Variants in DGKK observed in about 807,000 individuals in gnomAD.
The protein encoded by DGKK is 142 kDa diacylglycerol kinase.
In DGKK, 35 loss-of-function variants were observed where a neutral mutation model predicts 92.2. That is an observed-to-expected ratio of 0.38 (90% CI 0.29 to 0.50). The LOEUF is 0.50. DGKK is among the 20% of genes least tolerant of loss of function. DGKK has a pLI of 0.92. For synonymous variants in DGKK, 368 were observed against 360.6 expected, an observed-to-expected ratio of 1.02 and a Z score of -0.23; for missense variants, 910 against 992.2, an observed-to-expected ratio of 0.92 and a Z score of 1.11.
chrX:50,376,639 G>T, intron 23 of DGKK, 119 bp downstream of exon 23: 1 of 691,287 alleles, frequency 1.4e-6, no homozygotes, highest in Non-Finnish European at 2.0e-6. Flanking sequence ...AATTTTTAGA[G>T]CTCTAAGCTA....
In DGKK at chrX:50,403,261, T is replaced by C. The variant is rs1454617894; in HGVS notation, c.1186-78A>G. 9 of 1,092,895 alleles carry C rather than the reference T, an allele frequency of 8.2e-6. No homozygotes were observed. The Admixed American group carries it at 8.8e-5, about 11-fold the overall frequency. The allele number at this position is 1,092,895 out of a possible 1,213,427, so 90.1% of individuals were successfully genotyped here. A position where few individuals can be genotyped will look rare whatever the true frequency, so the allele number is the denominator to read the frequency against. On this transcript the variant is annotated intron_variant, in intron 6 of 27. Transcript: ENST00000611977. ...GAAGGGCCAACTGGAATAATTGTAC[T>C]ACTCCATGGAGGACATTAGGTAAAT...
chrX:50,429,551 T>C lies in DGKK; in HGVS notation c.646-5193A>G, dbSNP rs1230293448. Among the ~76,000 whole-genome samples the C allele has an allele frequency of 3.7e-5, 4 of 108,837 alleles. 1 individual carries two copies. The highest frequency in any genetic ancestry group is 7.6e-5 in the Non-Finnish European group (4 of 52,433). 94.5% of individuals were successfully genotyped at this position (108,837 alleles called of 115,157 possible). A position where few individuals can be genotyped will look rare whatever the true frequency, so the allele number is the denominator to read the frequency against. ...ATACAAAAAAAAAATTAGCCGGGCG[T>C]GGTGGCGGGCGCCTGTAGTCCCAGC... is the stretch of plus-strand genomic sequence containing the variant. On this transcript the variant is annotated intron_variant, in intron 1 of 27. Coordinates refer to ENST00000611977, the MANE Select transcript of DGKK (RefSeq NM_001013742.4).
At chrX:50,455,173 A>G (rs1204930407) in intron 1 of DGKK, among the ~76,000 whole-genome samples, 1 of 112,073 alleles carries the variant, frequency 8.9e-6, no homozygotes, top group Non-Finnish European at 1.9e-5. Flanking sequence ...TAAGGAGCTT[A>G]TTATTCAGTT....
chrX:50,387,971 T>C (rs1453124870), intron 13 of DGKK, among the ~76,000 whole-genome samples: 2 of 112,388 alleles, frequency 1.8e-5, no homozygotes, highest in African/African-American at 6.5e-5. Flanking sequence ...GGTCAGGTTT[T>C]CACCTAGGTT....
At position 50,368,054 on chromosome X, in the gene DGKK, A is replaced by G. The variant is rs1025719576; in HGVS notation, c.*886T>C. The G allele has an allele frequency of 9.0e-6, 1 of 110,798 alleles. No individual in the cohort carries two copies. Among genetic ancestry groups the G allele is most frequent in the East Asian group, 2.8e-4 (1 of 3,519 alleles). 9.1% of individuals were successfully genotyped at this position (110,798 alleles called of 1,213,427 possible). A position where few individuals can be genotyped will look rare whatever the true frequency, so the allele number is the denominator to read the frequency against. On this transcript the variant is annotated 3_prime_UTR_variant, in exon 28 of 28. Coordinates refer to ENST00000611977, the MANE Select transcript of DGKK (RefSeq NM_001013742.4). ...AGGTCGAGTTGTATTTTCAGCTCTTAAAAATATATATGCGTATGTATATAT... is the reference window on the plus strand; with the variant it reads ...AGGTCGAGTTGTATTTTCAGCTCTTGAAAATATATATGCGTATGTATATAT...
In DGKK at chrX:50,393,352, A is replaced by G; in HGVS notation, c.1412-17T>C. 8.6e-7 allele frequency: 1 copy of G among 1,168,770 alleles called. No homozygotes were observed. Among genetic ancestry groups the G allele is most frequent in the South Asian group, 1.9e-5 (1 of 51,736 alleles). On this transcript the variant is annotated splice_polypyrimidine_tract_variant and intron_variant, in intron 8 of 27. Coordinates refer to ENST00000611977, the MANE Select transcript of DGKK (RefSeq NM_001013742.4). ...CTAATTGGCCTGACACAACGAAAAG[A>G]AAAAGAAGAAAAAAAAGAACGGACC...
intron 26 of DGKK, among the ~76,000 whole-genome samples, chrX:50,371,398 G>T (rs371758823): frequency 8.9e-6 from 1 of 111,849 alleles, no homozygotes; most frequent in African/African-American, 3.3e-5. Context: ...AGCAGGGAGG[G>T]GGAATTTGCA....
chrX:50,424,187 C>A, intron 2 of DGKK, 61 bp downstream of exon 2: 2 of 1,043,554 alleles, frequency 1.9e-6, no homozygotes, highest in Non-Finnish European at 2.6e-6. Context: ...AGTCCATCTT[C>A]CCACACAAAG....
intron 1 of DGKK, among the ~76,000 whole-genome samples, chrX:50,466,254 G>A (rs1287243045): frequency 9.1e-6 from 1 of 110,042 alleles, no homozygotes; most frequent in African/African-American, 3.3e-5. Context: ...TGGCAAGGAG[G>A]GGGGAAAAAC....
chrX:50,418,127 C>T (rs997355278), intron 4 of DGKK, among the ~76,000 whole-genome samples: 5 of 111,603 alleles, frequency 4.5e-5, no homozygotes, highest in African/African-American at 1.3e-4. Flanking sequence ...CCTCTGTTAA[C>T]TCTTCCCAGA....
At chrX:50,403,355 T>C (rs1925059907) in intron 6 of DGKK, 136 bp downstream of exon 6, 10 of 853,282 alleles carry the variant, frequency 1.2e-5, no homozygotes, top group Non-Finnish European at 1.5e-5. Context: ...GGGAGGTTCA[T>C]TCTTCCAGAT....
intron 4 of DGKK, among the ~76,000 whole-genome samples, chrX:50,413,555 A>G (rs1925354951): frequency 8.9e-6 from 1 of 112,448 alleles, no homozygotes; most frequent in African/African-American, 3.2e-5. Flanking sequence ...ACCTGAACAG[A>G]TATTTCTCAA....
chrX:50,442,757 G>C lies in DGKK; in HGVS notation c.646-18399C>G, dbSNP rs782597819. ...AGCTTAGCTGAGTCCTCTGCTTCAAGGTGTCACCAGACTGTGATCTAGTTA... is the reference window on the plus strand; with the variant it reads ...AGCTTAGCTGAGTCCTCTGCTTCAACGTGTCACCAGACTGTGATCTAGTTA... On this transcript the variant is annotated intron_variant, in intron 1 of 27. Transcript: ENST00000611977. Among the ~76,000 whole-genome samples the C allele has an allele frequency of 2.3e-3, 257 of 111,668 alleles. 2 individuals carry two copies. The highest frequency in any genetic ancestry group is 3.4e-3 in the Non-Finnish European group (180 of 53,005).
Position 50,470,022 on chromosome X carries a change from T to G in DGKK, c.645+12A>C. On this transcript the variant is annotated intron_variant, in intron 1 of 27. Transcript: ENST00000611977. ...TGCTTCTTTTCCCCGCTTCAGGGGGTCTTTTGCTTACCTTTATTCTGGACC... is the reference window on the plus strand; with the variant it reads ...TGCTTCTTTTCCCCGCTTCAGGGGGGCTTTTGCTTACCTTTATTCTGGACC... 1 of 1,172,058 alleles carries G rather than the reference T, an allele frequency of 8.5e-7. No individual in the cohort carries two copies. The highest frequency in any genetic ancestry group is 1.1e-6 in the Non-Finnish European group (1 of 873,559).
At chrX:50,454,092 C>T (rs371762702) in intron 1 of DGKK, among the ~76,000 whole-genome samples, 11 of 110,546 alleles carry the variant, frequency 1.0e-4, no homozygotes, top group African/African-American at 3.6e-4. Context: ...CATCACTCCT[C>T]TCAGCACCTC....
Position 50,392,460 on chromosome X carries a change from A to G in DGKK, c.1596-11T>C, listed in dbSNP as rs2147124825. On this transcript the variant is annotated splice_polypyrimidine_tract_variant and intron_variant, in intron 9 of 27. Coordinates refer to ENST00000611977, the MANE Select transcript of DGKK (RefSeq NM_001013742.4). ...TTGAACATAGACAGCCTGGAAGGAC[A>G]AAGAGGAAAGGGGGTCATTTCATGA... is the stretch of plus-strand genomic sequence containing the variant. 8.5e-7 allele frequency: 1 copy of G among 1,177,646 alleles called. No homozygotes were observed. Among genetic ancestry groups the G allele is most frequent in the South Asian group, 1.8e-5 (1 of 55,763 alleles).
Position 50,401,118 on chromosome X carries a change from G to A in DGKK, c.1330C>T (p.Arg444Trp), listed in dbSNP as rs782276961. Residue 444 changes from arginine (R) to tryptophan (W), a missense_variant, in exon 8 of 28, where the codon CGG becomes TGG. Physicochemically the swap from Arg to Trp is moderately radical, Grantham distance 101. Coordinates refer to ENST00000611977, the MANE Select transcript of DGKK (RefSeq NM_001013742.4). ...CTGAAGCAACATTCCTTGGAAAACC[G>A]TCTCCTACAGTCATCATGCACCTGA... ...NSTVHDDCRR[R>W]FSKECCFRSH... The A allele has an allele frequency of 7.5e-6, 9 of 1,197,844 alleles. No individual in the cohort carries two copies. Among genetic ancestry groups the A allele is most frequent in the East Asian group, 3.0e-5 (1 of 33,454 alleles).
chrX:50,470,547 C>T lies in DGKK; in HGVS notation c.132G>A (p.Pro44=). Residue 44 remains proline, a synonymous_variant, in exon 1 of 28, where the codon CCG becomes CCA. Transcript: ENST00000611977. Reference sequence around the variant, plus strand: ...GTTCTGGCGAAGCCTCGGAGAGCAGCGGCGGAGCCGGCGGCGGAGCCGGTG... The same window carrying T: ...GTTCTGGCGAAGCCTCGGAGAGCAGTGGCGGAGCCGGCGGCGGAGCCGGTG... The part of the protein sequence containing the change: ...PPPPAPPPAP[P]LLSEASPEPI... 8.3e-7 allele frequency: 1 copy of T among 1,205,257 alleles called. No homozygotes were observed. Among genetic ancestry groups the T allele is most frequent in the Non-Finnish European group, 1.1e-6 (1 of 893,777 alleles).
At chrX:50,373,155 T>C (rs782104408) in intron 25 of DGKK, among the ~76,000 whole-genome samples, 1 of 112,239 alleles carries the variant, frequency 8.9e-6, no homozygotes, top group Non-Finnish European at 1.9e-5. Context: ...AAGTGGGAGT[T>C]ACTGGGAGGG....
Sources: allele counts gnomAD v4.1 joint callset (sites outside exome capture counted in the v4.1 genomes callset), GRCh38; gene constraint gnomAD v4.1.1; transcripts MANE v1.5; gene names NCBI Gene and HGNC (gene_info 2026-07-23, HGNC 2026-07-21).